CENPK: variants seen among roughly 807,000 people sequenced by gnomAD.
CENPK encodes the protein centromere protein K.
In CENPK, 46 loss-of-function variants were observed where a neutral mutation model predicts 40.9. The observed-to-expected ratio is 1.13, with a 90% confidence interval of 0.89 to 1.44. The LOEUF (loss-of-function observed/expected upper bound fraction) is 1.44, where lower values mean the gene tolerates loss of function less well. CENPK is among the 40% of genes most tolerant of loss of function. The probability of loss-of-function intolerance (pLI) is 0.00; values close to 1 mark genes in which losing one functional copy is unlikely to be tolerated. For missense variants in CENPK, 288 were observed against 303.5 expected, an observed-to-expected ratio of 0.95 and a Z score of 0.38; for synonymous variants, 107 against 104.4, an observed-to-expected ratio of 1.02 and a Z score of -0.15.
At chr5:65,513,261 T>C (rs1333847020), downstream of CENPK, among the ~76,000 whole-genome samples, 1 of 152,322 alleles carries the variant, frequency 6.6e-6, no homozygotes. Context: ...TCCTCTAACT[T>C]TGTTCTTCTT....
At chr5:65,546,799 G>T (rs183189400) in intron 5 of CENPK, among the ~76,000 whole-genome samples, 3 of 152,172 alleles carry the variant, frequency 2.0e-5, no homozygotes, top group African/African-American at 7.2e-5. Context: ...AGAAACCAAC[G>T]TTATTGACAC....
intron 10 of CENPK, among the ~76,000 whole-genome samples, chr5:65,521,228 TG>T (rs763182119): frequency 1.3e-5 from 2 of 152,144 alleles, no homozygotes; most frequent in Non-Finnish European, 2.9e-5. Context: ...TAATAAATCT[TG>T]GGAACATGAT....
At chr5:65,498,274 A>G in the CENPK span, among the ~76,000 whole-genome samples, 3 of 152,052 alleles carry the variant, frequency 2.0e-5, no homozygotes, top group African/African-American at 4.8e-5. Context: ...TATATTCCCA[A>G]CCTTCAAGGA....
intron 6 of CENPK, among the ~76,000 whole-genome samples, chr5:65,535,759 C>G (rs760014913): frequency 1.3e-5 from 2 of 152,204 alleles, no homozygotes; most frequent in Non-Finnish European, 2.9e-5. Flanking sequence ...AGCAGTTCTT[C>G]TGAGTCCAGT....
At chr5:65,533,026 G>A (rs1746162026) in intron 6 of CENPK, among the ~76,000 whole-genome samples, 1 of 149,900 alleles carries the variant, frequency 6.7e-6, no homozygotes, top group African/African-American at 2.5e-5. Context: ...AATTCAGGAA[G>A]AGTAAGTGAC....
At chr5:65,535,454 G>A (rs1431631129) in intron 6 of CENPK, among the ~76,000 whole-genome samples, 1 of 152,138 alleles carries the variant, frequency 6.6e-6, no homozygotes, top group African/African-American at 2.4e-5. Flanking sequence ...CTTGATTAGA[G>A]AGTTTATGCT....
the CENPK span, among the ~76,000 whole-genome samples, chr5:65,506,303 T>G: frequency 6.5e-4 from 98 of 149,986 alleles, no homozygotes; most frequent in Non-Finnish European, 1.1e-3. Context: ...AGCCTAGGAG[T>G]TCAAAGCCAC....
the CENPK span, among the ~76,000 whole-genome samples, chr5:65,510,013 CCTT>C: frequency 6.6e-6 from 1 of 152,322 alleles, no homozygotes; most frequent in Non-Finnish European, 1.5e-5. Context: ...GTCTCCCTCT[CCTT>C]AAGCCTCCAT....
At chr5:65,547,765 T>C (rs746127834) in intron 5 of CENPK, among the ~76,000 whole-genome samples, 1 of 152,054 alleles carries the variant, frequency 6.6e-6, no homozygotes, top group Non-Finnish European at 1.5e-5. Flanking sequence ...CCTTGGTTCA[T>C]GCCATTCTCC....
chr5:65,552,146 C>T (rs373692615), intron 4 of CENPK, among the ~76,000 whole-genome samples: 2 of 151,794 alleles, frequency 1.3e-5, no homozygotes, highest in African/African-American at 2.4e-5. Flanking sequence ...ACTTTGGTAG[C>T]GACGGGGTTT....
chr5:65,518,670 G>C (rs771239819), intron 10 of CENPK, 37 bp from the exon 11 acceptor site: 28 of 1,417,008 alleles, frequency 2.0e-5, no homozygotes, highest in Non-Finnish European at 2.6e-5. Flanking sequence ...ACTTTACTTG[G>C]GAAAAAGTCA....
At chr5:65,535,953 G>A (rs1346425105) in intron 6 of CENPK, among the ~76,000 whole-genome samples, 4 of 152,114 alleles carry the variant, frequency 2.6e-5, no homozygotes, top group East Asian at 1.9e-4. Context: ...AGTCACCGAT[G>A]GTATAAAACA....
the CENPK span, among the ~76,000 whole-genome samples, chr5:65,499,588 C>T: frequency 3.3e-5 from 5 of 151,468 alleles, no homozygotes; most frequent in Non-Finnish European, 7.4e-5. Flanking sequence ...AATATTCAGC[C>T]ACTATTTTAA....
At chr5:65,521,726 G>A (rs786532) in intron 9 of CENPK, among the ~76,000 whole-genome samples, 198 bp from the exon 10 acceptor site, 1 of 151,796 alleles carries the variant, frequency 6.6e-6, no homozygotes, top group African/African-American at 2.4e-5. Context: ...TCAGCCTCCC[G>A]AGTAGCTGTG....
At chr5:65,531,441 C>T (rs911862323) in intron 6 of CENPK, among the ~76,000 whole-genome samples, 2 of 148,884 alleles carry the variant, frequency 1.3e-5, no homozygotes, top group African/African-American at 5.0e-5. Flanking sequence ...AATTGACATG[C>T]AACATCAAGA....
At chr5:65,510,764 G>A in the CENPK span, among the ~76,000 whole-genome samples, 4 of 139,816 alleles carry the variant, frequency 2.9e-5, no homozygotes, top group African/African-American at 5.3e-5. Flanking sequence ...CAACAAGAGC[G>A]AAACTCCATC....
chr5:65,526,980 C>G (rs1304007518), intron 9 of CENPK, among the ~76,000 whole-genome samples: 1 of 152,098 alleles, frequency 6.6e-6, no homozygotes, highest in East Asian at 1.9e-4. Flanking sequence ...GTAGTCCCAT[C>G]TACTCAGGAG....
chr5:65,530,116 C>T (rs1225565191), intron 6 of CENPK, among the ~76,000 whole-genome samples: 1 of 152,086 alleles, frequency 6.6e-6, no homozygotes, highest in Non-Finnish European at 1.5e-5. Flanking sequence ...GGTACCTTTA[C>T]TGAGGAGACT....
the CENPK span, among the ~76,000 whole-genome samples, chr5:65,504,467 A>C: frequency 6.6e-6 from 1 of 151,614 alleles, no homozygotes; most frequent in Admixed American, 6.6e-5. Flanking sequence ...CAAAAAAAAA[A>C]AAAAAAAAAA....
Sources: gnomAD v4.1 joint callset for allele counts (sites outside exome capture counted in the v4.1 genomes callset) on GRCh38, gnomAD v4.1.1 for gene constraint, MANE v1.5 for transcripts, NCBI Gene and HGNC (gene_info 2026-07-23, HGNC 2026-07-21) for gene names.